The following CCDC85A variants were observed in gnomAD, a reference collection of about 807,000 sequenced individuals.
The protein encoded by CCDC85A is coiled-coil domain containing 85A, also known as coiled-coil domain-containing protein 85A.
A neutral mutation model predicts 50.2 loss-of-function variants in CCDC85A; 38 were observed. The ratio of observed to expected loss-of-function variants is 0.76; its 90% CI spans 0.58 to 0.99. The LOEUF is 0.99. Among genes scored for constraint, CCDC85A ranks in the 50% least tolerant of loss-of-function variants. The probability of loss-of-function intolerance (pLI) is 0.00; values close to 1 mark genes in which losing one functional copy is unlikely to be tolerated. For missense variants in CCDC85A, 820 were observed against 742.0 expected, an observed-to-expected ratio of 1.11 and a Z score of -1.22; for synonymous variants, 366 against 301.4, an observed-to-expected ratio of 1.21 and a Z score of -2.22.
At chr2:56,312,307 G>T (rs908332950) in intron 2 of CCDC85A, among the ~76,000 whole-genome samples, 1 of 152,012 alleles carries the variant, frequency 6.6e-6, no homozygotes, top group Non-Finnish European at 1.5e-5. Context: ...TTAGAATTTC[G>T]TGGACTGTGT....
In CCDC85A at chr2:56,384,844, T is replaced by C. The variant is rs890896302; in HGVS notation, c.*489T>C. The C allele has an allele frequency of 6.6e-6, 1 of 152,600 alleles. No homozygotes were observed. Among genetic ancestry groups the C allele is most frequent in the Non-Finnish European group, 1.5e-5 (1 of 68,124 alleles). 9.5% of individuals were successfully genotyped at this position (152,600 alleles called of 1,614,324 possible). ...GTTTGAGAGTTGGGCATTTACCTCT[T>C]ACACTTCAGTCAACAAACAAACTAG... On this transcript the variant is annotated 3_prime_UTR_variant, in exon 6 of 6. Transcript: ENST00000407595.
At chr2:56,308,267 A>C (rs569442193) in intron 2 of CCDC85A, among the ~76,000 whole-genome samples, 3 of 152,304 alleles carry the variant, frequency 2.0e-5, no homozygotes, top group South Asian at 2.1e-4. Flanking sequence ...CCCTCTATAG[A>C]GACAACTCCT....
intron 2 of CCDC85A, among the ~76,000 whole-genome samples, chr2:56,339,356 T>A (rs932765627): frequency 1.3e-5 from 2 of 152,208 alleles, no homozygotes; most frequent in Non-Finnish European, 2.9e-5. Context: ...TAATTCAACA[T>A]TAAAAACGAG....
intron 2 of CCDC85A, among the ~76,000 whole-genome samples, chr2:56,194,977 T>C (rs767977749): frequency 6.6e-6 from 1 of 151,396 alleles, no homozygotes; most frequent in Non-Finnish European, 1.5e-5. Context: ...TCATTGGACA[T>C]GAAGCTTGTC....
chr2:56,197,363 G>A (rs920962347), intron 2 of CCDC85A, among the ~76,000 whole-genome samples: 2 of 152,144 alleles, frequency 1.3e-5, no homozygotes, highest in South Asian at 2.1e-4. Flanking sequence ...ACTGCCAGAC[G>A]TTCCAGGGTT....
At chr2:56,342,504 T>C (rs1440979034) in intron 2 of CCDC85A, among the ~76,000 whole-genome samples, 6 of 152,328 alleles carry the variant, frequency 3.9e-5, no homozygotes, top group Admixed American at 3.3e-4. Context: ...GTTGGACTGC[T>C]TCTCTTAGGT....
chr2:56,274,713 A>G (rs1234294420), intron 2 of CCDC85A, among the ~76,000 whole-genome samples: 1 of 152,216 alleles, frequency 6.6e-6, no homozygotes, highest in African/African-American at 2.4e-5. Context: ...GTTAGCCATC[A>G]TAATCTATTA....
At chr2:56,247,772 AT>A in intron 2 of CCDC85A, among the ~76,000 whole-genome samples, 1 of 152,334 alleles carries the variant, frequency 6.6e-6, no homozygotes, top group East Asian at 1.9e-4. Flanking sequence ...TTCTAATACA[AT>A]TTTATAAAAT....
chr2:56,189,557 T>TTGG, intron 1 of CCDC85A, among the ~76,000 whole-genome samples: 1 of 152,186 alleles, frequency 6.6e-6, no homozygotes, highest in East Asian at 1.9e-4. Context: ...TCCCAAAGTG[T>TTGG]TGGGATTACA....
At chr2:56,212,820 T>G (rs1677232736) in intron 2 of CCDC85A, among the ~76,000 whole-genome samples, 1 of 151,912 alleles carries the variant, frequency 6.6e-6, no homozygotes, top group Non-Finnish European at 1.5e-5. Context: ...TTGCTTCCAG[T>G]TTCTTCCTAA....
At chr2:56,320,546 T>G (rs2104257843) in intron 2 of CCDC85A, among the ~76,000 whole-genome samples, 1 of 152,160 alleles carries the variant, frequency 6.6e-6, no homozygotes, top group South Asian at 2.1e-4. Context: ...CTAGAAGAAA[T>G]GGATCAATTC....
At chr2:56,375,981 G>A (rs766103592) in intron 5 of CCDC85A, 46 bp downstream of exon 5, 53 of 1,594,510 alleles carry the variant, frequency 3.3e-5, no homozygotes, top group Middle Eastern at 1.7e-4. Context: ...CAGTTGTGTC[G>A]TCGCTTGTTC....
intron 2 of CCDC85A, among the ~76,000 whole-genome samples, chr2:56,302,478 T>A (rs900595641): frequency 2.0e-5 from 3 of 152,150 alleles, no homozygotes; most frequent in Non-Finnish European, 4.4e-5. Context: ...ACATGAATTA[T>A]TTTTCTGTCA....
In CCDC85A at chr2:56,184,370, G is replaced by A. The variant is rs1035044576; in HGVS notation, c.-255G>A. 2 of 488,982 alleles carry A rather than the reference G, an allele frequency of 4.1e-6. No homozygotes were observed. The highest frequency in any genetic ancestry group is 6.0e-6 in the Non-Finnish European group (2 of 332,790). The allele number at this position is 488,982 out of a possible 1,614,324, so 30.3% of individuals were successfully genotyped here. A position where few individuals can be genotyped will look rare whatever the true frequency, so the allele number is the denominator to read the frequency against. On this transcript the variant is annotated 5_prime_UTR_variant, in exon 1 of 6. Coordinates refer to ENST00000407595, the MANE Select transcript of CCDC85A (RefSeq NM_001080433.2). ...GTGCCCCTCACCATGGACTTGCGCG[G>A]AGTTGGGACGGGCCTCGGCAGCAGC... is the stretch of plus-strand genomic sequence containing the variant.
intron 2 of CCDC85A, among the ~76,000 whole-genome samples, chr2:56,263,326 C>G (rs1670298263): frequency 6.6e-6 from 1 of 152,212 alleles, no homozygotes; most frequent in African/African-American, 2.4e-5. Flanking sequence ...TTAAGAAATC[C>G]ATTCTTCTTT....
At chr2:56,230,578 T>C (rs1253005762) in intron 2 of CCDC85A, among the ~76,000 whole-genome samples, 1 of 152,208 alleles carries the variant, frequency 6.6e-6, no homozygotes, top group Non-Finnish European at 1.5e-5. Flanking sequence ...CTTCCTCACG[T>C]CTGCCCATGG....
intron 1 of CCDC85A, among the ~76,000 whole-genome samples, chr2:56,191,273 G>GT (rs140479927): frequency 0.041 from 6,226 of 152,204 alleles, 435 homozygotes; most frequent in African/African-American, 0.14. Flanking sequence ...CTCTATACGT[G>GT]TTTTTTGCCA....
At chr2:56,207,970 G>A (rs1241520499) in intron 2 of CCDC85A, among the ~76,000 whole-genome samples, 1 of 152,096 alleles carries the variant, frequency 6.6e-6, no homozygotes, top group African/African-American at 2.4e-5. Context: ...TTAGATAAAG[G>A]TGACTTTAAT....
intron 2 of CCDC85A, among the ~76,000 whole-genome samples, chr2:56,234,001 T>C (rs1158799310): frequency 6.6e-6 from 1 of 152,190 alleles, no homozygotes; most frequent in African/African-American, 2.4e-5. Context: ...TTTCAAACTT[T>C]TTGAAGGATA....
Sources: gnomAD v4.1 joint callset for allele counts (sites outside exome capture counted in the v4.1 genomes callset) on GRCh38, gnomAD v4.1.1 for gene constraint, MANE v1.5 for transcripts, NCBI Gene and HGNC (gene_info 2026-07-23, HGNC 2026-07-21) for gene names.